The following HPD variants were observed in gnomAD, a reference collection of about 807,000 sequenced individuals.
HPD encodes 4-hydroxyphenylpyruvate dioxygenase.
HPD carries 35 observed loss-of-function variants against 56.9 expected under a neutral mutation model. The observed-to-expected ratio is 0.62, with a 90% CI of 0.47 to 0.82. The LOEUF is 0.82. HPD is among the 40% of genes least tolerant of loss of function. HPD has a pLI of 0.00. For missense variants in HPD, 442 were observed against 506.8 expected (o/e 0.87, Z 1.23); for synonymous variants, 186 against 200.2 (o/e 0.93, Z 0.60).
chr12:121,860,915 T>A (rs775125156), upstream of HPD, among the ~76,000 whole-genome samples: 15 of 150,910 alleles, frequency 9.9e-5, no homozygotes, highest in Non-Finnish European at 2.1e-4. Context: ...CAAAAATAGA[T>A]AAGGCAGGGC....
Position 121,857,325 on chromosome 12 carries a change from C to T in HPD, c.198+3G>A, listed in dbSNP as rs376112963. 43 of 1,603,608 alleles carry T rather than the reference C, an allele frequency of 2.7e-5. No individual in the cohort carries two copies. The African/African-American group carries it at 3.9e-4, about 14-fold the overall frequency. ...GGGGGCTGTCCTGGGGGTGGTGACT[C>T]ACCTTCCCTTGTTTGATTACATGGC... On this transcript the variant is annotated splice_donor_region_variant and intron_variant, in intron 4 of 13. Transcript: ENST00000289004.
At chr12:121,883,936 T>C in the HPD span, among the ~76,000 whole-genome samples, 3 of 152,262 alleles carry the variant, frequency 2.0e-5, no homozygotes, top group East Asian at 3.9e-4. Flanking sequence ...ACCATGACGC[T>C]ACACATCTAA....
intron 7 of HPD, among the ~76,000 whole-genome samples, chr12:121,851,545 C>T (rs961317810): frequency 1.1e-4 from 15 of 141,376 alleles, no homozygotes; most frequent in African/African-American, 2.6e-4. Context: ...GGTTTTGCCA[C>T]GTTGGCCAGG....
At chr12:121,860,528 G>A (rs1448165432), upstream of HPD, among the ~76,000 whole-genome samples, 1 of 152,184 alleles carries the variant, frequency 6.6e-6, no homozygotes, top group Non-Finnish European at 1.5e-5. Context: ...AGAGAGCAGG[G>A]AGGCAAGCCT....
intron 12 of HPD, among the ~76,000 whole-genome samples, chr12:121,842,454 G>A (rs550034675): frequency 6.6e-6 from 1 of 151,534 alleles, no homozygotes; most frequent in South Asian, 2.1e-4. Context: ...TTTTCTTTTA[G>A]ACAGGGTATC....
rs137999457 is a variant in HPD at position 121,842,789 on chromosome 12, C to T, written c.954+921G>A. On this transcript the variant is annotated intron_variant, in intron 12 of 13. Transcript: ENST00000289004. ...TTGAGACAGAGTCTCACTGTGTCGC[C>T]CAGGCTGGAATGTAGTAGCGCAATC... 6.2e-3 allele frequency among the ~76,000 whole-genome samples: 851 copies of T among 138,122 alleles called. 5 individuals are homozygous for T. The highest frequency in any genetic ancestry group is 0.022 in the African/African-American group (798 of 36,538). 90.6% of individuals were successfully genotyped at this position (138,122 alleles called of 152,430 possible).
the HPD span, among the ~76,000 whole-genome samples, chr12:121,887,629 C>T: frequency 6.6e-6 from 1 of 152,294 alleles, no homozygotes; most frequent in African/African-American, 2.4e-5. Flanking sequence ...GCCACAGCCT[C>T]CCAAAGTGCT....
the HPD span, among the ~76,000 whole-genome samples, chr12:121,868,887 G>C: frequency 6.6e-6 from 1 of 151,794 alleles, no homozygotes; most frequent in Admixed American, 6.6e-5. Flanking sequence ...CTCTTTGTTT[G>C]TTTTCTTACT....
the HPD span, among the ~76,000 whole-genome samples, chr12:121,881,012 C>T: frequency 2.0e-5 from 3 of 152,044 alleles, no homozygotes; most frequent in East Asian, 1.9e-4. Context: ...AGGCTGGTCT[C>T]GAACTCCTGA....
At chr12:121,861,820 GACAA>G (rs1319875099), upstream of HPD, among the ~76,000 whole-genome samples, 4 of 152,280 alleles carry the variant, frequency 2.6e-5, no homozygotes, top group African/African-American at 7.2e-5. Flanking sequence ...TTAGCCTCGA[GACAA>G]ACAGTCTCTT....
chr12:121,876,227 C>T, the HPD span, among the ~76,000 whole-genome samples: 1 of 152,132 alleles, frequency 6.6e-6, no homozygotes, highest in South Asian at 2.1e-4. Flanking sequence ...AGGAGAATCG[C>T]TGGAACCCAG....
chr12:121,855,610 G>C (rs183858376), intron 6 of HPD, among the ~76,000 whole-genome samples: 4 of 151,696 alleles, frequency 2.6e-5, no homozygotes, highest in Admixed American at 6.6e-5. Context: ...CCAGCTACTC[G>C]GGAGGCTGAG....
chr12:121,881,910 T>C, the HPD span, among the ~76,000 whole-genome samples: 2 of 142,680 alleles, frequency 1.4e-5, no homozygotes, highest in African/African-American at 4.9e-5. Flanking sequence ...CCTCCCAAAC[T>C]ATTGGGATTA....
upstream of HPD, among the ~76,000 whole-genome samples, chr12:121,862,995 T>A (rs1878224985): frequency 6.9e-6 from 1 of 145,840 alleles, no homozygotes; most frequent in Admixed American, 6.8e-5. Flanking sequence ...CCTCCTTTTT[T>A]TTTTTTTAAG....
the HPD span, among the ~76,000 whole-genome samples, chr12:121,884,445 GA>G: frequency 6.6e-6 from 1 of 151,964 alleles, no homozygotes; most frequent in African/African-American, 2.4e-5. Context: ...TTACGGGCGT[GA>G]ACCATCATGC....
the HPD span, among the ~76,000 whole-genome samples, chr12:121,876,486 C>T: frequency 1.3e-5 from 2 of 152,022 alleles, no homozygotes; most frequent in South Asian, 4.1e-4. Context: ...GATCAAGGCC[C>T]GGGGTACATC....
chr12:121,862,192 A>C (rs1301615467), upstream of HPD, among the ~76,000 whole-genome samples: 1 of 152,158 alleles, frequency 6.6e-6, no homozygotes, highest in Non-Finnish European at 1.5e-5. Context: ...CTGTGCAAAC[A>C]TCGTGGATGC....
chr12:121,886,075 G>A, the HPD span, among the ~76,000 whole-genome samples: 3 of 150,896 alleles, frequency 2.0e-5, no homozygotes, highest in East Asian at 2.0e-4. Context: ...GATAACAGGC[G>A]TAAGCCACCG....
At chr12:121,884,177 T>C in the HPD span, among the ~76,000 whole-genome samples, 3 of 151,012 alleles carry the variant, frequency 2.0e-5, no homozygotes, top group Non-Finnish European at 4.4e-5. Flanking sequence ...CTCTCTTTTT[T>C]TTTTTTTTTT....
Sources: gnomAD v4.1 joint callset for allele counts (sites outside exome capture counted in the v4.1 genomes callset) on GRCh38, gnomAD v4.1.1 for gene constraint, MANE v1.5 for transcripts, NCBI Gene and HGNC (gene_info 2026-07-23, HGNC 2026-07-21) for gene names.